MAN2C1: variants seen among roughly 807,000 people sequenced by gnomAD.
MAN2C1 encodes the protein mannosidase alpha class 2C member 1.
MAN2C1 carries 111 observed loss-of-function variants against 126.9 expected under a neutral mutation model. The observed-to-expected ratio is 0.87, with a 90% CI of 0.75 to 1.02. MAN2C1 has a LOEUF of 1.02. MAN2C1 is among the 50% of genes least tolerant of loss of function. MAN2C1 has a pLI of 0.00. For synonymous variants in MAN2C1, 567 were observed against 561.5 expected (o/e 1.01, Z -0.14); for missense variants, 1,363 against 1,364.4 (o/e 1.00, Z 0.02).
chr15:75,361,476 T>C lies in MAN2C1; in HGVS notation c.1219-95A>G. On this transcript the variant is annotated intron_variant, in intron 10 of 25. Transcript: ENST00000267978. The surrounding 1 kb of genome is among the most constrained non-coding windows in gnomAD (Gnocchi z 5.0). The stretch of plus-strand genomic sequence containing the variant: ...GACTTGGTCCTGCCCCTGCCTGCTA[T>C]GTGACCCTGGCAGAGGCAGAGTGAG... 2 of 1,276,816 alleles carry C rather than the reference T, an allele frequency of 1.6e-6. No homozygotes were observed. Among genetic ancestry groups the C allele is most frequent in the East Asian group, 2.3e-5 (1 of 43,238 alleles). 79.1% of individuals were successfully genotyped at this position (1,276,816 alleles called of 1,614,324 possible). A position where few individuals can be genotyped will look rare whatever the true frequency, so the allele number is the denominator to read the frequency against.
chr15:75,364,412 T>G, intron 5 of MAN2C1, 76 bp downstream of exon 5: 1 of 1,437,218 alleles, frequency 7.0e-7, no homozygotes, highest in Non-Finnish European at 9.2e-7. Flanking sequence ...CAGAGTCCCA[T>G]TTATCTGACC....
Position 75,368,028 on chromosome 15 carries a change from T to A in MAN2C1, c.227+45A>T, listed in dbSNP as rs750078460. 3.2e-6 allele frequency: 5 copies of A among 1,563,636 alleles called. No individual in the cohort carries two copies. The South Asian group carries it at 5.8e-5, about 18-fold the overall frequency. On this transcript the variant is annotated intron_variant, in intron 2 of 25. Transcript: ENST00000267978. ...GTGTGGCTGGGAGCTGGGTTGGGAC[T>A]TCCCCTAGGCCTGTGGCCCCGCCCA...
chr15:75,357,437 C>T (rs570771888), intron 21 of MAN2C1: 2 of 155,886 alleles, frequency 1.3e-5, no homozygotes. Flanking sequence ...TCCCGAGTAG[C>T]TGGGATAACA....
rs1310772204 is a variant in MAN2C1 at position 75,359,496 on chromosome 15, T to G, written c.1949-71A>C. On this transcript the variant is annotated intron_variant, in intron 16 of 25. Transcript: ENST00000267978. ...GGAAGCTTGCGCAGGTGGGGATGGGTTGGTGGAAGATGTGCTACTACTCTC... is the reference window on the plus strand; with the variant it reads ...GGAAGCTTGCGCAGGTGGGGATGGGGTGGTGGAAGATGTGCTACTACTCTC... 3 of 1,563,542 alleles carry G rather than the reference T, an allele frequency of 1.9e-6. No individual in the cohort carries two copies. In the African/African-American group the frequency reaches 4.1e-5, roughly 21 times the overall value.
In MAN2C1 at chr15:75,359,369, G is replaced by T. The variant is rs1283354616; in HGVS notation, c.2005C>A (p.Gln669Lys). The T allele has an allele frequency of 6.2e-7, 1 of 1,605,984 alleles. No homozygotes were observed. The highest frequency in any genetic ancestry group is 8.5e-7 in the Non-Finnish European group (1 of 1,176,498). Residue 669 changes from glutamine (Q) to lysine (K), a missense_variant, in exon 17 of 26, where the codon CAG becomes AAG. Physicochemically the swap from Gln to Lys is moderately conservative, Grantham distance 53. Coordinates refer to ENST00000267978, the MANE Select transcript of MAN2C1 (RefSeq NM_006715.4). ...YAPVPPPTSL[Q>K]PLLPQQPVFV... is the part of the protein sequence containing the mutation. ...ACAGGCTGCTGGGGCAGCAGGGGCT[G>T]CAGTGAGGTGGGGGGAGGAACAGGA...
intron 21 of MAN2C1, 184 bp downstream of exon 21, chr15:75,358,017 A>G: frequency 1.4e-6 from 1 of 712,790 alleles, no homozygotes; most frequent in Non-Finnish European, 2.3e-6. Flanking sequence ...GGCCTCCCAA[A>G]GTGCTGGAAT....
chr15:75,356,330 G>GTGAA lies in MAN2C1; in HGVS notation c.2853_2856dup (p.Pro953PhefsTer27), dbSNP rs1263194577. 4 of 1,612,240 alleles carry GTGAA rather than the reference G, an allele frequency of 2.5e-6. No homozygotes were observed. The highest frequency in any genetic ancestry group is 3.4e-6 in the Non-Finnish European group (4 of 1,179,488). On this transcript the variant is annotated frameshift_variant, in exon 24 of 26. Transcript: ENST00000267978. LOFTEE classifies it high-confidence loss of function. The surrounding 1 kb of genome is among the most constrained non-coding windows in gnomAD (Gnocchi z 5.8). ...TTGACGGTCTCCAATACGACCGCGG[G>GTGAA]TGAAGACACGGAAAACGCACTCCAG...
intron 21 of MAN2C1, chr15:75,357,732 G>A: frequency 5.9e-6 from 1 of 168,122 alleles, no homozygotes; most frequent in South Asian, 1.5e-4. Context: ...CCATTCTCCT[G>A]CCTCAGCCTC....
rs1196193885 is a variant in MAN2C1, at chr15:75,356,209, C to A, written c.2897G>T (p.Ser966Ile). 1.2e-6 allele frequency: 2 copies of A among 1,613,256 alleles called. No individual in the cohort carries two copies. Among genetic ancestry groups the A allele is most frequent in the African/African-American group, 2.7e-5 (2 of 75,052 alleles). ...VLETVKQAES[S>I]PQRRSLVLRL... ...CAGGACCAGCGAGCGGCGCTGGGGG[C>A]TGCTCTCCGCCTGCAGAGGAACACG... Residue 966 changes from serine (S) to isoleucine (I), a missense_variant, in exon 25 of 26, where the codon AGC becomes ATC. Physicochemically the swap from Ser to Ile is moderately radical, Grantham distance 142. Transcript: ENST00000267978. The surrounding 1 kb of genome is among the most constrained non-coding windows in gnomAD (Gnocchi z 5.8).
In MAN2C1 at chr15:75,360,095, G is replaced by A; in HGVS notation, c.1701C>T (p.Leu567=). ...FLYPAAQLQH[L]WRLLLLNQFH... is the part of the protein sequence containing the mutation. Reference sequence around the variant, plus strand: ...AGGGACAGAACTGGGCTGACCTCCAGAGGTGCTGCAGCTGGGCTGCTGGGT... The same window carrying A: ...AGGGACAGAACTGGGCTGACCTCCAAAGGTGCTGCAGCTGGGCTGCTGGGT... The change falls in exon 14 of 26, where the codon CTC becomes CTT. Residue 567 remains leucine (L), a synonymous_variant. Coordinates refer to ENST00000267978, the MANE Select transcript of MAN2C1 (RefSeq NM_006715.4). 6.2e-7 allele frequency: 1 copy of A among 1,614,008 alleles called. No individual in the cohort carries two copies. The highest frequency in any genetic ancestry group is 8.5e-7 in the Non-Finnish European group (1 of 1,180,014).
In MAN2C1 at chr15:75,356,186, G is replaced by A. The variant is rs375127293; in HGVS notation, c.2920C>T (p.Leu974=). The A allele has an allele frequency of 6.8e-6, 11 of 1,613,414 alleles. No individual in the cohort carries two copies. In the African/African-American group the frequency reaches 1.5e-4, roughly 22 times the overall value. Residue 974 remains leucine (L), a synonymous_variant, in exon 25 of 26, where the codon CTG becomes TTG. Transcript: ENST00000267978. This position sits in a 1 kb window ranked among gnomAD's most constrained non-coding sequence, Gnocchi z 5.8. ...ESSPQRRSLV[L]RLYEAHGSHV... The stretch of plus-strand genomic sequence containing the variant: ...CTGCCGTGGGCCTCATACAGCCTCA[G>A]GACCAGCGAGCGGCGCTGGGGGCTG...
chr15:75,363,414 C>A, intron 6 of MAN2C1: 1 of 418,718 alleles, frequency 2.4e-6, no homozygotes, highest in Non-Finnish European at 4.8e-6. Flanking sequence ...GCCTCAGACT[C>A]CCCACCATTG....
rs774913630 is a variant in MAN2C1, at chr15:75,364,023, T to C, written c.766A>G (p.Thr256Ala). The change falls in exon 6 of 26, where the codon ACA (threonine) becomes GCA (alanine). Residue 256 changes from threonine (T) to alanine (A), a missense_variant. Physicochemically the swap from Thr to Ala is moderately conservative, Grantham distance 58 (BLOSUM62 0). Around this residue, in one of 3 missense-constraint regions of MAN2C1, gnomAD observed 628 missense variants for 609.8 expected, o/e 1.03. Coordinates refer to ENST00000267978, the MANE Select transcript of MAN2C1 (RefSeq NM_006715.4). ...GGESQHTIHA[T>A]GHCHIDTAWL... ...CCTGTATCAATGTGGCAGTGCCCTG[T>C]GGCATGAATGGTGTGTTGGCTTTCA... The C allele has an allele frequency of 3.7e-6, 6 of 1,614,182 alleles. No homozygotes were observed. In the South Asian group the frequency reaches 6.6e-5, roughly 18 times the overall value.
At position 75,366,592 on chromosome 15, in the gene MAN2C1, C is replaced by G; in HGVS notation, c.352G>C (p.Gly118Arg). 6.2e-7 allele frequency: 1 copy of G among 1,611,244 alleles called. No homozygotes were observed. Among genetic ancestry groups the G allele is most frequent in the Non-Finnish European group, 8.5e-7 (1 of 1,178,534 alleles). ...LVWRDGEPVQ[G>R]LTKEGEKTSY... Reference sequence around the variant, plus strand: ...GTCTTCTCACCCTCTTTGGTTAAACCCTAGTAGGGAGGGGAGTGAGAGAGA... The same window carrying G: ...GTCTTCTCACCCTCTTTGGTTAAACGCTAGTAGGGAGGGGAGTGAGAGAGA... Residue 118 changes from glycine (G) to arginine (R), a missense_variant and splice_region_variant, in exon 4 of 26, where the codon GGT becomes CGT. Physicochemically the swap from Gly to Arg is moderately radical, Grantham distance 125. This residue lies in a region of MAN2C1 where 628 missense variants were observed against 609.8 expected (regional missense o/e 1.03). Coordinates refer to ENST00000267978, the MANE Select transcript of MAN2C1 (RefSeq NM_006715.4).
Position 75,356,650 on chromosome 15 carries a change from TCAG to T in MAN2C1, c.2690_2692del (p.Ala897del). The T allele has an allele frequency of 6.3e-7, 1 of 1,578,018 alleles. No individual in the cohort carries two copies. The highest frequency in any genetic ancestry group is 1.3e-5 in the African/African-American group (1 of 74,260). On this transcript the variant is annotated inframe_deletion, in exon 23 of 26. Coordinates refer to ENST00000267978, the MANE Select transcript of MAN2C1 (RefSeq NM_006715.4). The surrounding 1 kb of genome is among the most constrained non-coding windows in gnomAD (Gnocchi z 5.8). ...ATAGGTGAACTCGTGGCGCCCCGTG[TCAG>T]CAGTAGCGTCCGGGGCTTTAGGCGC...
Position 75,368,130 on chromosome 15 carries a change from T to C in MAN2C1, c.170A>G (p.Gln57Arg), listed in dbSNP as rs916488790. 4.4e-6 allele frequency: 7 copies of C among 1,606,344 alleles called. No homozygotes were observed. The African/African-American group carries it at 9.4e-5, about 21-fold the overall frequency. The change falls in exon 2 of 26, where the codon CAG becomes CGG. Residue 57 changes from glutamine (Q) to arginine (R), a missense_variant. Physicochemically the swap from Gln to Arg is conservative, Grantham distance 43. Coordinates refer to ENST00000267978, the MANE Select transcript of MAN2C1 (RefSeq NM_006715.4). ...SFLTPERLPY[Q>R]EAVQRDFRPA... Reference sequence around the variant, plus strand: ...GCGGAAGTCCCGCTGGACTGCCTCCTGGTAGGGAAGTCTCTCCGGCGTCAG... The same window carrying C: ...GCGGAAGTCCCGCTGGACTGCCTCCCGGTAGGGAAGTCTCTCCGGCGTCAG...
At chr15:75,360,520 T>C in intron 13 of MAN2C1, 45 bp downstream of exon 13, 1 of 1,606,006 alleles carries the variant, frequency 6.2e-7, no homozygotes, top group Non-Finnish European at 8.5e-7. Context: ...CCTCTGCAGA[T>C]CAAGGGCACA....
At position 75,356,606 on chromosome 15, in the gene MAN2C1, C is replaced by G. The variant is rs1359519663; in HGVS notation, c.2737G>C (p.Gly913Arg). The change falls in exon 23 of 26, where the codon GGC (glycine) becomes CGC (arginine). Residue 913 changes from glycine (G) to arginine (R), a missense_variant and splice_region_variant. Physicochemically the swap from Gly to Arg is moderately radical, Grantham distance 125. Around this residue, in one of 3 missense-constraint regions of MAN2C1, gnomAD observed 668 missense variants for 650.1 expected, o/e 1.03. Transcript: ENST00000267978. The surrounding 1 kb of genome is among the most constrained non-coding windows in gnomAD (Gnocchi z 5.8). ...EFTYALMPHKGSFQDAGVIQA... is the reference protein window; with the variant it reads ...EFTYALMPHKRSFQDAGVIQA... ...AGGCCCCACCGTCCCCAGCACTCAC[C>G]CTTGTGCGGCATCAGTGCATAGGTG... 5 of 1,559,210 alleles carry G rather than the reference C, an allele frequency of 3.2e-6. No homozygotes were observed. The highest frequency in any genetic ancestry group is 1.4e-5 in the African/African-American group (1 of 73,706).
At chr15:75,368,024 G>T (rs764593341) in intron 2 of MAN2C1, 49 bp downstream of exon 2, 19 of 1,558,266 alleles carry the variant, frequency 1.2e-5, no homozygotes, top group Non-Finnish European at 1.5e-5. Flanking sequence ...AGCTGGGTTG[G>T]GACTTCCCCT....
Sources: allele counts gnomAD v4.1 joint callset, GRCh38; gene constraint gnomAD v4.1.1; regional missense constraint gnomAD v4.1.1; non-coding constraint Gnocchi (gnomAD v3.1); transcripts MANE v1.5; gene names NCBI Gene and HGNC (gene_info 2026-07-23, HGNC 2026-07-21).